CNOT10: variants seen among roughly 807,000 people sequenced by gnomAD.
CNOT10 encodes the protein CCR4-NOT transcription complex, subunit 10.
In CNOT10, 30 loss-of-function variants were observed where a neutral mutation model predicts 94.6. The ratio of observed to expected loss-of-function variants is 0.32; its 90% CI spans 0.24 to 0.43. The LOEUF (loss-of-function observed/expected upper bound fraction) is 0.43. CNOT10 is among the 20% of genes least tolerant of loss of function. The probability of loss-of-function intolerance (pLI) is 1.00; values close to 1 mark genes in which losing one functional copy is unlikely to be tolerated. For synonymous variants in CNOT10, 289 were observed against 301.6 expected, an observed-to-expected ratio of 0.96 and a Z score of 0.43; for missense variants, 759 against 877.2, an observed-to-expected ratio of 0.87 and a Z score of 1.70.
rs146273793 is a variant in CNOT10 at position 32,731,731 on chromosome 3, C to A, written c.1216-1692C>A. Among the ~76,000 whole-genome samples the A allele has an allele frequency of 3.3e-3, 503 of 152,220 alleles. 5 individuals carry two copies. The highest frequency in any genetic ancestry group is 0.012 in the African/African-American group (486 of 41,532). On this transcript the variant is annotated intron_variant, in intron 10 of 18. Transcript: ENST00000328834. ...GGCTCTAGCGATCCACCCGCCTCAG[C>A]CTCCCAAAGTTCTAGGATTACAGGT...
At chr3:32,695,899 C>T in intron 1 of CNOT10, 1 of 1,213,140 alleles carries the variant, frequency 8.2e-7, no homozygotes, top group Non-Finnish European at 1.1e-6. Flanking sequence ...AAATGAATAC[C>T]CATTTCTGGC....
intron 1 of CNOT10, among the ~76,000 whole-genome samples, chr3:32,696,603 A>ATTAT (rs1266422290): frequency 6.6e-6 from 1 of 152,008 alleles, no homozygotes; most frequent in African/African-American, 2.4e-5. Flanking sequence ...TTATTTATTT[A>ATTAT]TTATTTATTT....
intron 14 of CNOT10, among the ~76,000 whole-genome samples, 173 bp downstream of exon 14, chr3:32,759,744 C>T (rs1253879951): frequency 6.6e-6 from 1 of 152,184 alleles, no homozygotes; most frequent in Non-Finnish European, 1.5e-5. Flanking sequence ...AATGTTTTCA[C>T]TTGTGCTGTA....
At chr3:32,733,830 G>A (rs992232975) in intron 11 of CNOT10, among the ~76,000 whole-genome samples, 7 of 151,990 alleles carry the variant, frequency 4.6e-5, no homozygotes, top group South Asian at 2.1e-4. Flanking sequence ...AGGGCATCTT[G>A]GTATTTCCTT....
At chr3:32,696,147 C>G (rs547827791) in intron 1 of CNOT10, among the ~76,000 whole-genome samples, 1 of 151,876 alleles carries the variant, frequency 6.6e-6, no homozygotes. Flanking sequence ...AAAACCCTGC[C>G]TCTACTAAAA....
chr3:32,758,844 ATGTT>A (rs1368533675), intron 13 of CNOT10, among the ~76,000 whole-genome samples: 1 of 152,154 alleles, frequency 6.6e-6, no homozygotes, highest in African/African-American at 2.4e-5. Flanking sequence ...GTCTTCACAT[ATGTT>A]TGTTTAACCT....
At chr3:32,704,072 GTTAAT>G (rs1697500173) in intron 2 of CNOT10, 110 bp downstream of exon 2, 1 of 602,458 alleles carries the variant, frequency 1.7e-6, no homozygotes, top group Admixed American at 3.4e-5. Flanking sequence ...TAATTCAAAA[GTTAAT>G]TTAGAGATAA....
At chr3:32,708,918 GC>G in intron 4 of CNOT10, 98 bp downstream of exon 4, 1 of 912,000 alleles carries the variant, frequency 1.1e-6, no homozygotes, top group Non-Finnish European at 1.6e-6. Flanking sequence ...AGAAGTCCAT[GC>G]CAGTATTCAA....
intron 1 of CNOT10, among the ~76,000 whole-genome samples, chr3:32,699,047 A>C (rs1398640658): frequency 1.3e-5 from 2 of 152,166 alleles, no homozygotes; most frequent in Non-Finnish European, 2.9e-5. Context: ...TGGCCTCCCA[A>C]AATGCTGGAA....
Position 32,710,708 on chromosome 3 carries a change from T to G in CNOT10, c.430+1888T>G, listed in dbSNP as rs903133921. Among the ~76,000 whole-genome samples, 20 of 152,244 alleles carry G rather than the reference T, an allele frequency of 1.3e-4. 1 individual carries two copies. The South Asian group carries it at 4.1e-3, about 32-fold the overall frequency. ...ACAGTGTCAAACTTGGAATCATAAC[T>G]ACTCAGCTTCTTTCTTCTTTTTTTC... On this transcript the variant is annotated intron_variant, in intron 4 of 18. Coordinates refer to ENST00000328834, the MANE Select transcript of CNOT10 (RefSeq NM_015442.3).
At chr3:32,756,107 T>C (rs1415466631) in intron 13 of CNOT10, among the ~76,000 whole-genome samples, 1 of 152,122 alleles carries the variant, frequency 6.6e-6, no homozygotes, top group African/African-American at 2.4e-5. Context: ...GTGCGGTGTT[T>C]TCTAAGAGGA....
At chr3:32,740,679 G>A (rs897939226) in intron 13 of CNOT10, among the ~76,000 whole-genome samples, 6 of 151,662 alleles carry the variant, frequency 4.0e-5, no homozygotes, top group Admixed American at 6.6e-5. Flanking sequence ...TAGCTAACAC[G>A]GTGAAACCCT....
chr3:32,692,079 C>A (rs1030775351), intron 1 of CNOT10, among the ~76,000 whole-genome samples: 3 of 150,254 alleles, frequency 2.0e-5, no homozygotes, highest in Non-Finnish European at 4.4e-5. Context: ...GCCAATTTCC[C>A]GCCAGGCATG....
intron 12 of CNOT10, 55 bp from the exon 13 acceptor site, chr3:32,737,355 C>T (rs573272449): frequency 6.7e-5 from 87 of 1,298,502 alleles, no homozygotes; most frequent in East Asian, 6.6e-4. Flanking sequence ...CAAAATTTTA[C>T]GTTTAATTAT....
chr3:32,772,683 C>G (rs891360866), intron 18 of CNOT10, among the ~76,000 whole-genome samples: 1 of 152,016 alleles, frequency 6.6e-6, no homozygotes, highest in Non-Finnish European at 1.5e-5. Flanking sequence ...GGCCACAGAA[C>G]AAGACTCTGT....
chr3:32,743,642 A>G (rs1249098627), intron 13 of CNOT10, among the ~76,000 whole-genome samples: 1 of 152,042 alleles, frequency 6.6e-6, no homozygotes, highest in Non-Finnish European at 1.5e-5. Flanking sequence ...TCACATACAC[A>G]CACGCACAAA....
intron 3 of CNOT10, 47 bp downstream of exon 3, chr3:32,705,019 T>A: frequency 7.9e-7 from 1 of 1,262,458 alleles, no homozygotes; most frequent in Non-Finnish European, 1.1e-6. Context: ...TTCTGTTCTT[T>A]AATTTATGAA....
chr3:32,717,158 A>G lies in CNOT10; in HGVS notation c.665A>G (p.Lys222Arg), dbSNP rs774847792. 6 of 1,590,154 alleles carry G rather than the reference A, an allele frequency of 3.8e-6. No individual in the cohort carries two copies. The highest frequency in any genetic ancestry group is 1.7e-4 in the Middle Eastern group (1 of 6,000). ...EAAKSKIHQY[K>R]VRAYIQMKSL... ...CTAACATTTTCCCTTTGACAGTACA[A>G]AGTACGAGCTTATATCCAAATGAAG... The change falls in exon 7 of 19, where the codon AAA becomes AGA. Residue 222 changes from lysine (K) to arginine (R), a missense_variant. Coordinates refer to ENST00000328834, the MANE Select transcript of CNOT10 (RefSeq NM_015442.3).
At chr3:32,723,692 G>A (rs567973084) in intron 8 of CNOT10, among the ~76,000 whole-genome samples, 37 of 152,244 alleles carry the variant, frequency 2.4e-4, no homozygotes, top group African/African-American at 8.2e-4. Context: ...ATGACAAACA[G>A]AGGTGGGCAG....
Sources: gnomAD v4.1 joint callset for allele counts (sites outside exome capture counted in the v4.1 genomes callset) on GRCh38, gnomAD v4.1.1 for gene constraint, MANE v1.5 for transcripts, NCBI Gene and HGNC (gene_info 2026-07-23, HGNC 2026-07-21) for gene names.